Variants in GPATCH1 observed in about 807,000 individuals in gnomAD.
GPATCH1 encodes G-patch domain containing 1, also known as G patch domain-containing protein 1.
A neutral mutation model predicts 114.9 loss-of-function variants in GPATCH1; 73 were observed. The observed-to-expected ratio is 0.64, with a 90% CI of 0.53 to 0.77. The LOEUF (loss-of-function observed/expected upper bound fraction) is 0.77, where lower values mean the gene tolerates loss of function less well. Ranked by LOEUF, GPATCH1 falls within the 30% of genes least tolerant of loss-of-function variation. GPATCH1 has a pLI of 0.00. For synonymous variants in GPATCH1, 391 were observed against 428.4 expected (o/e 0.91, Z 1.08); for missense variants, 1,058 against 1,144.3 (o/e 0.92, Z 1.09).
intron 16 of GPATCH1, among the ~76,000 whole-genome samples, chr19:33,118,581 G>A (rs983996990): frequency 2.6e-5 from 4 of 152,060 alleles, no homozygotes; most frequent in Non-Finnish European, 5.9e-5. Context: ...TTATCTTCAA[G>A]GTTTTTTCTT....
At chr19:33,129,713 C>T (rs926124891) in intron 19 of GPATCH1, among the ~76,000 whole-genome samples, 7 of 152,060 alleles carry the variant, frequency 4.6e-5, no homozygotes, top group African/African-American at 1.7e-4. Flanking sequence ...TTTGGGAGGC[C>T]GAGGCGGGCA....
At chr19:33,102,514 A>C (rs911986252) in intron 9 of GPATCH1, among the ~76,000 whole-genome samples, 2 of 148,260 alleles carry the variant, frequency 1.3e-5, no homozygotes, top group Non-Finnish European at 3.0e-5. Flanking sequence ...CTCCTGCCTC[A>C]TCCTCCTGAG....
Position 33,114,382 on chromosome 19 carries a change from AAG to A in GPATCH1, c.2162_2163del (p.Glu721GlyfsTer22). On this transcript the variant is annotated frameshift_variant, in exon 15 of 20. Coordinates refer to ENST00000170564, the MANE Select transcript of GPATCH1 (RefSeq NM_018025.3). LOFTEE classifies it high-confidence loss of function. ...CAACAGTCCAGCCCCTTAGTAAACA[AAG>A]AGGAAGAGCATGCACCAGAATTATC... 6.2e-7 allele frequency: 1 copy of A among 1,607,070 alleles called. No homozygotes were observed.
Position 33,106,728 on chromosome 19 carries a change from C to T in GPATCH1, c.1114C>T (p.Arg372Ter), listed in dbSNP as rs745749425. The stretch of plus-strand genomic sequence containing the variant: ...ACCTCCAGAGCTGCCAAGAGACTAT[C>T]GACCAGTGCATTATTTCAGACCCAT... ...YPPPELPRDY[R>*]PVHYFRPMVA... Residue 372 changes from arginine to a stop codon, truncating the protein, a stop_gained, in exon 10 of 20, where the codon CGA becomes TGA. Coordinates refer to ENST00000170564, the MANE Select transcript of GPATCH1 (RefSeq NM_018025.3). LOFTEE classifies it high-confidence loss of function. 4 of 1,613,852 alleles carry T rather than the reference C, an allele frequency of 2.5e-6. No homozygotes were observed. The highest frequency in any genetic ancestry group is 2.2e-5 in the East Asian group (1 of 44,876).
chr19:33,121,727 CT>C (rs1185458280), intron 17 of GPATCH1, among the ~76,000 whole-genome samples: 2 of 152,220 alleles, frequency 1.3e-5, no homozygotes, highest in Non-Finnish European at 2.9e-5. Context: ...CTGTCAACAA[CT>C]TCCATTTAGT....
intron 15 of GPATCH1, among the ~76,000 whole-genome samples, chr19:33,116,485 G>A (rs1273504099): frequency 6.6e-6 from 1 of 152,144 alleles, no homozygotes; most frequent in Non-Finnish European, 1.5e-5. Flanking sequence ...CCTGAAGGAT[G>A]TTTTTGCTGG....
At chr19:33,091,371 G>T (rs961962225) in intron 3 of GPATCH1, among the ~76,000 whole-genome samples, 27 of 135,518 alleles carry the variant, frequency 2.0e-4, no homozygotes, top group Admixed American at 1.8e-3. Flanking sequence ...CTGAGATTGC[G>T]CCACTGCACT....
intron 18 of GPATCH1, 134 bp from the exon 19 acceptor site, chr19:33,126,454 C>A: frequency 7.5e-7 from 1 of 1,330,418 alleles, no homozygotes; most frequent in Non-Finnish European, 1.0e-6. Flanking sequence ...GGCTCTCACT[C>A]TCACTCACTC....
chr19:33,121,567 C>G (rs1227424528), intron 17 of GPATCH1, among the ~76,000 whole-genome samples: 1 of 152,118 alleles, frequency 6.6e-6, no homozygotes, highest in African/African-American at 2.4e-5. Context: ...GATCTGCCCG[C>G]CTCAGCCTCC....
At chr19:33,112,068 C>T (rs1020496884) in intron 12 of GPATCH1, among the ~76,000 whole-genome samples, 166 bp downstream of exon 12, 1 of 152,066 alleles carries the variant, frequency 6.6e-6, no homozygotes, top group Admixed American at 6.6e-5. Flanking sequence ...TGGGTTCAAG[C>T]GATTCTCCTG....
Position 33,119,054 on chromosome 19 carries a change from C to G in GPATCH1, c.2458C>G (p.Gln820Glu). ...PQEPPPSFPIQKMQIDEREEF... is the reference protein window; with the variant it reads ...PQEPPPSFPIEKMQIDEREEF... Reference sequence around the variant, plus strand: ...GGAGCCGCCACCTTCCTTCCCGATACAAAAGATGCAGATAGATGAAAGAGA... The same window carrying G: ...GGAGCCGCCACCTTCCTTCCCGATAGAAAAGATGCAGATAGATGAAAGAGA... Residue 820 changes from glutamine (Q) to glutamate (E), a missense_variant, in exon 17 of 20, where the codon CAA (glutamine) becomes GAA (glutamate). Transcript: ENST00000170564. The G allele has an allele frequency of 1.2e-6, 2 of 1,613,430 alleles. No homozygotes were observed. The highest frequency in any genetic ancestry group is 1.7e-6 in the Non-Finnish European group (2 of 1,179,754).
intron 5 of GPATCH1, among the ~76,000 whole-genome samples, chr19:33,094,560 C>T (rs541071339): frequency 1.3e-4 from 20 of 152,226 alleles, no homozygotes; most frequent in South Asian, 4.1e-4. Flanking sequence ...TTCCAATAAA[C>T]GAAATAGCTG....
intron 3 of GPATCH1, among the ~76,000 whole-genome samples, chr19:33,091,640 C>T (rs1972597032): frequency 1.3e-5 from 2 of 152,028 alleles, no homozygotes; most frequent in African/African-American, 4.8e-5. Flanking sequence ...ATAGCTAATG[C>T]ATGCTGGGCT....
chr19:33,105,277 C>G (rs1972770650), intron 9 of GPATCH1, among the ~76,000 whole-genome samples: 1 of 150,986 alleles, frequency 6.6e-6, no homozygotes, highest in African/African-American at 2.4e-5. Context: ...ACTAAAAATA[C>G]AAAAATTAGC....
At chr19:33,094,097 C>A in intron 4 of GPATCH1, 75 bp from the exon 5 acceptor site, 1 of 850,298 alleles carries the variant, frequency 1.2e-6, no homozygotes, top group Non-Finnish European at 2.0e-6. Flanking sequence ...TGAGCAGGAA[C>A]TCAGAAGCCG....
Position 33,096,460 on chromosome 19 carries a change from CT to C in GPATCH1, c.852+15del. Reference sequence around the variant, plus strand: ...ATTTCAGGCCAGGTAAAATTATTTTCTATTTTATAAAGGGGGAGTCATTGAT... The same window carrying C: ...ATTTCAGGCCAGGTAAAATTATTTTCATTTTATAAAGGGGGAGTCATTGAT... On this transcript the variant is annotated intron_variant, in intron 7 of 19. Coordinates refer to ENST00000170564, the MANE Select transcript of GPATCH1 (RefSeq NM_018025.3). 6.3e-7 allele frequency: 1 copy of C among 1,597,476 alleles called. No individual in the cohort carries two copies.
intron 1 of GPATCH1, among the ~76,000 whole-genome samples, chr19:33,083,787 A>G (rs959586291): frequency 2.6e-5 from 4 of 152,086 alleles, no homozygotes; most frequent in African/African-American, 9.7e-5. Flanking sequence ...TCAGTAATAC[A>G]AGTTTTTGAG....
rs748762139 is a variant in GPATCH1, at chr19:33,101,558, C to A, written c.1064C>A (p.Pro355His). 7 of 1,583,202 alleles carry A rather than the reference C, an allele frequency of 4.4e-6. No individual in the cohort carries two copies. The highest frequency in any genetic ancestry group is 3.5e-6 in the Non-Finnish European group (4 of 1,153,662). ...GATGGATTTTCCTTGGCTTCTAAACCTTTATCTTCTAAGAAAGTAAGAAAA... is the reference window on the plus strand; with the variant it reads ...GATGGATTTTCCTTGGCTTCTAAACATTTATCTTCTAAGAAAGTAAGAAAA... Reference protein sequence around the residue: ...ILDGFSLASKPLSSKKIYPPP... With the variant: ...ILDGFSLASKHLSSKKIYPPP... The change falls in exon 9 of 20, where the codon CCT becomes CAT. Residue 355 changes from proline (P) to histidine (H), a missense_variant. By Grantham distance (77) the Pro-to-His change is moderately conservative. Around this residue, in one of 3 missense-constraint regions of GPATCH1, gnomAD observed 893 missense variants for 977.4 expected, o/e 0.91. Coordinates refer to ENST00000170564, the MANE Select transcript of GPATCH1 (RefSeq NM_018025.3).
chr19:33,124,217 T>G (rs1461593865), intron 17 of GPATCH1, among the ~76,000 whole-genome samples: 1 of 152,066 alleles, frequency 6.6e-6, no homozygotes, highest in Admixed American at 6.6e-5. Context: ...TATTGTGAAA[T>G]TTTGTTGATT....
Sources: allele counts gnomAD v4.1 joint callset (sites outside exome capture counted in the v4.1 genomes callset), GRCh38; gene constraint gnomAD v4.1.1; regional missense constraint gnomAD v4.1.1; transcripts MANE v1.5; gene names NCBI Gene and HGNC (gene_info 2026-07-23, HGNC 2026-07-21).